The following BTF3L4 variants were observed in gnomAD, a reference collection of about 807,000 sequenced individuals.
BTF3L4 encodes the protein basic transcription factor 3 like 4, also known as transcription factor BTF3 homolog 4.
In BTF3L4, 6 loss-of-function variants were observed where a neutral mutation model predicts 16.8. The observed-to-expected ratio is 0.36, with a 90% confidence interval of 0.20 to 0.71. The LOEUF is 0.71. Ranked by LOEUF, BTF3L4 falls within the 30% of genes least tolerant of loss-of-function variation. BTF3L4 has a pLI of 0.58. For synonymous variants in BTF3L4, 39 were observed against 59.8 expected, an observed-to-expected ratio of 0.65 and a Z score of 1.60; for missense variants, 92 against 186.9, an observed-to-expected ratio of 0.49 and a Z score of 2.96.
intron 4 of BTF3L4, among the ~76,000 whole-genome samples, chr1:52,085,013 C>CTTTTTTTTTTTTTTT (rs764763479): frequency 1.7e-5 from 1 of 58,512 alleles, no homozygotes; most frequent in Non-Finnish European, 2.9e-5. Flanking sequence ...TGAAAAAAAT[C>CTTTTTTTTTTTTTTT]TTTTTTTTTT....
intron 3 of BTF3L4, among the ~76,000 whole-genome samples, chr1:52,070,426 T>C (rs1686758925): frequency 6.7e-6 from 1 of 149,544 alleles, no homozygotes; most frequent in Non-Finnish European, 1.5e-5. Context: ...AATCCAAGGC[T>C]GTCAGAAACT....
At chr1:52,069,266 A>G (rs972379036) in intron 3 of BTF3L4, among the ~76,000 whole-genome samples, 10 of 152,158 alleles carry the variant, frequency 6.6e-5, no homozygotes, top group Non-Finnish European at 1.3e-4. Flanking sequence ...CCCTCTTTCT[A>G]AAATTGATTT....
Position 52,089,954 on chromosome 1 carries a change from AGT to A in BTF3L4, c.*3199_*3200del, listed in dbSNP as rs1644004714. On this transcript the variant is annotated 3_prime_UTR_variant, in exon 6 of 6. Transcript: ENST00000313334. ...TTGATTTGTTTCTTTGTTTTAATTC[AGT>A]GTTTAACCCTAGGTATGCTACATAC... The A allele has an allele frequency of 6.6e-6, 1 of 152,200 alleles. No individual in the cohort carries two copies. The highest frequency in any genetic ancestry group is 6.5e-5 in the Admixed American group (1 of 15,268). 9.4% of individuals were successfully genotyped at this position (152,200 alleles called of 1,614,324 possible). A position where few individuals can be genotyped will look rare whatever the true frequency, so the allele number is the denominator to read the frequency against.
chr1:52,068,525 C>T (rs1045016239), intron 3 of BTF3L4, among the ~76,000 whole-genome samples: 2 of 152,134 alleles, frequency 1.3e-5, no homozygotes, highest in African/African-American at 4.8e-5. Context: ...AGGTGCCTAC[C>T]TAAGATCACG....
rs1644009868 is a variant in BTF3L4, at chr1:52,090,603, A to G, written c.*3845A>G. On this transcript the variant is annotated 3_prime_UTR_variant, in exon 6 of 6. Coordinates refer to ENST00000313334, the MANE Select transcript of BTF3L4 (RefSeq NM_152265.5). ...TCATTTGCCATAGTAGAGTATTAAG[A>G]TTATTTGATTTTCTTTTTACTTTCT... The G allele has an allele frequency of 1.3e-5, 2 of 152,240 alleles. No individual in the cohort carries two copies. The highest frequency in any genetic ancestry group is 4.1e-4 in the South Asian group (2 of 4,830). 9.4% of individuals were successfully genotyped at this position (152,240 alleles called of 1,614,324 possible).
At chr1:52,066,912 A>G (rs562489978) in intron 3 of BTF3L4, among the ~76,000 whole-genome samples, 2 of 151,918 alleles carry the variant, frequency 1.3e-5, no homozygotes, top group Admixed American at 1.3e-4. Flanking sequence ...TGACTAATGT[A>G]CATGTGCTAT....
chr1:52,083,657 A>G (rs1405620785), intron 4 of BTF3L4, 116 bp downstream of exon 4: 1 of 797,648 alleles, frequency 1.3e-6, no homozygotes, highest in African/African-American at 1.8e-5. Context: ...TTTACTTTCT[A>G]TAAAGTTATT....
chr1:52,083,092 T>G (rs77126202), intron 3 of BTF3L4, among the ~76,000 whole-genome samples: 2,126 of 152,294 alleles, frequency 0.014, 48 homozygotes, highest in African/African-American at 0.047. Flanking sequence ...TAGAAGTCTT[T>G]GAATTTAAAA....
Position 52,090,689 on chromosome 1 carries a change from C to T in BTF3L4, c.*3931C>T, listed in dbSNP as rs971384945. The stretch of plus-strand genomic sequence containing the variant: ...ATATGTAATGTTTTTCAACTACTTA[C>T]TGTTGAATACAAAGTTATCTCATTT... On this transcript the variant is annotated 3_prime_UTR_variant, in exon 6 of 6. Coordinates refer to ENST00000313334, the MANE Select transcript of BTF3L4 (RefSeq NM_152265.5). 6.6e-6 allele frequency: 1 copy of T among 151,356 alleles called. No homozygotes were observed. Among genetic ancestry groups the T allele is most frequent in the Non-Finnish European group, 1.5e-5 (1 of 67,924 alleles). The allele number at this position is 151,356 out of a possible 1,614,324, so 9.4% of individuals were successfully genotyped here.
chr1:52,064,911 T>C lies in BTF3L4; in HGVS notation c.141T>C (p.Ala47=), dbSNP rs146005119. 5.0e-5 allele frequency: 81 copies of C among 1,612,614 alleles called. No individual in the cohort carries two copies. Among genetic ancestry groups the C allele is most frequent in the Admixed American group, 4.0e-4 (24 of 59,800 alleles). The part of the protein sequence containing the change: ...KKLQSSLKKL[A]VNNIAGIEEV... ...TTCAGAGTTCTCTAAAAAAACTGGC[T>C]GTGAATAATATAGCTGGTATTGAAG... Residue 47 remains alanine (A), a synonymous_variant, in exon 3 of 6, where the codon GCT becomes GCC. Transcript: ENST00000313334.
chr1:52,070,307 AATAGTTCATTTGGTATAAT>A (rs1402655866), intron 3 of BTF3L4, among the ~76,000 whole-genome samples: 1 of 2,876 alleles, frequency 3.5e-4, no homozygotes, highest in Non-Finnish European at 0.011. Context: ...TCATTGGTAT[AATAGTTCATTTGGTATAAT>A]AGTTCATTTG....
chr1:52,065,991 T>C (rs145221280), intron 3 of BTF3L4, among the ~76,000 whole-genome samples: 1 of 152,248 alleles, frequency 6.6e-6, no homozygotes, highest in East Asian at 1.9e-4. Flanking sequence ...TGAGCCAAGA[T>C]TGTGCCATTG....
At chr1:52,058,748 T>A (rs2124409510) in intron 1 of BTF3L4, among the ~76,000 whole-genome samples, 1 of 152,284 alleles carries the variant, frequency 6.6e-6, no homozygotes, top group African/African-American at 2.4e-5. Context: ...ATTACAGGCA[T>A]GTGCCACCAC....
intron 1 of BTF3L4, among the ~76,000 whole-genome samples, chr1:52,058,771 T>G (rs1260275987): frequency 1.3e-5 from 2 of 152,196 alleles, no homozygotes; most frequent in Admixed American, 1.3e-4. Flanking sequence ...CCGGCTAATT[T>G]TGTATTTTTA....
chr1:52,067,625 A>G (rs1686688316), intron 3 of BTF3L4, among the ~76,000 whole-genome samples: 1 of 152,170 alleles, frequency 6.6e-6, no homozygotes, highest in East Asian at 1.9e-4. Context: ...GTCCTTTCAA[A>G]CCTCTTTTTA....
chr1:52,074,383 G>C (rs1240006624), intron 3 of BTF3L4, among the ~76,000 whole-genome samples: 1 of 149,070 alleles, frequency 6.7e-6, no homozygotes, highest in South Asian at 2.1e-4. Context: ...TTTTTTTTTG[G>C]AGGCAGTTTC....
chr1:52,086,413 A>G (rs546708069), intron 5 of BTF3L4: 139 of 488,632 alleles, frequency 2.8e-4, no homozygotes, highest in Non-Finnish European at 1.9e-4. Flanking sequence ...GTGATTATAA[A>G]TTTGCATAGC....
intron 1 of BTF3L4, among the ~76,000 whole-genome samples, chr1:52,056,897 T>G (rs1240161519): frequency 6.6e-6 from 1 of 152,198 alleles, no homozygotes; most frequent in Non-Finnish European, 1.5e-5. Context: ...CCCCTCCCAC[T>G]GCCTGCTGAC....
chr1:52,056,529 G>T (rs1686359505), intron 1 of BTF3L4, 150 bp downstream of exon 1: 1 of 152,534 alleles, frequency 6.6e-6, no homozygotes, highest in Admixed American at 6.5e-5. Context: ...GGCTTGGCCT[G>T]TCGGTTACCG....
Sources: gnomAD v4.1 joint callset for allele counts (sites outside exome capture counted in the v4.1 genomes callset) on GRCh38, gnomAD v4.1.1 for gene constraint, MANE v1.5 for transcripts, NCBI Gene and HGNC (gene_info 2026-07-23, HGNC 2026-07-21) for gene names.